The following C3orf49 variants were observed in gnomAD, a reference collection of about 807,000 sequenced individuals.
C3orf49 encodes the protein chromosome 3 open reading frame 49, also known as putative uncharacterized protein C3orf49.
A neutral mutation model predicts 13.3 loss-of-function variants in C3orf49; 27 were observed. The ratio of observed to expected loss-of-function variants is 2.02; its 90% confidence interval spans 1.49 to 2.79. C3orf49 has a LOEUF of 2.79. Ranked by LOEUF, C3orf49 falls within the 30% of genes most tolerant of loss-of-function variation. The probability of loss-of-function intolerance (pLI) is 0.00; values close to 1 mark genes in which losing one functional copy is unlikely to be tolerated. For synonymous variants in C3orf49, 87 were observed against 47.6 expected (o/e 1.83, Z -3.40); for missense variants, 242 against 134.2 (o/e 1.80, Z -3.97).
the C3orf49 span, among the ~76,000 whole-genome samples, chr3:63,809,663 C>T: frequency 6.6e-6 from 1 of 152,180 alleles, no homozygotes; most frequent in East Asian, 1.9e-4. Context: ...GCTCTCCCTC[C>T]CTCTGTTCCA....
intron 2 of C3orf49, among the ~76,000 whole-genome samples, chr3:63,824,936 C>T (rs1701447857): frequency 6.6e-6 from 1 of 152,098 alleles, no homozygotes; most frequent in South Asian, 2.1e-4. Context: ...CATATATGCC[C>T]TCCCTTCCCT....
At chr3:63,833,220 C>T (rs1428023533) in intron 5 of C3orf49, among the ~76,000 whole-genome samples, 1 of 151,974 alleles carries the variant, frequency 6.6e-6, no homozygotes, top group Non-Finnish European at 1.5e-5. Context: ...CCTCAGCCTC[C>T]TGAGTAGCTG....
At chr3:63,781,073 G>T in the C3orf49 span, among the ~76,000 whole-genome samples, 2 of 151,020 alleles carry the variant, frequency 1.3e-5, no homozygotes, top group Admixed American at 6.6e-5. Flanking sequence ...CCATGCCTAT[G>T]TCCTGAATGG....
chr3:63,837,371 A>G (rs928433421), intron 5 of C3orf49, among the ~76,000 whole-genome samples: 10 of 152,114 alleles, frequency 6.6e-5, no homozygotes, highest in Middle Eastern at 6.9e-3. Flanking sequence ...AATTTACATT[A>G]TAAGAAGAGC....
At chr3:63,840,281 G>GA (rs893353423) in intron 5 of C3orf49, among the ~76,000 whole-genome samples, 11 of 150,736 alleles carry the variant, frequency 7.3e-5, no homozygotes, top group South Asian at 4.2e-4. Flanking sequence ...GGCAAACTAG[G>GA]AAAAAAAAAT....
the C3orf49 span, chr3:63,782,456 T>C: frequency 1.3e-5 from 2 of 152,342 alleles, no homozygotes; most frequent in South Asian, 2.1e-4. Context: ...GGGGTCCTTA[T>C]TGTGTACATT....
the C3orf49 span, among the ~76,000 whole-genome samples, chr3:63,804,421 T>C: frequency 1.1e-4 from 16 of 152,194 alleles, no homozygotes; most frequent in African/African-American, 3.4e-4. Flanking sequence ...ACGTGCTTTC[T>C]CTTTGGCTCC....
chr3:63,823,364 T>C lies in C3orf49; in HGVS notation c.240T>C (p.Ser80=), dbSNP rs1701423950. The C allele has an allele frequency of 2.8e-6, 2 of 703,136 alleles. No homozygotes were observed. The highest frequency in any genetic ancestry group is 1.7e-5 in the African/African-American group (1 of 57,248). 43.6% of individuals were successfully genotyped at this position (703,136 alleles called of 1,614,324 possible). The stretch of plus-strand genomic sequence containing the variant: ...ATGAAAGCCAGCAAAATCAGAAAAG[T>C]AATTTGAAGACGAAAGTGAAGACTG... ...GFHESQQNQK[S]NLKTKVKTAF... The change falls in exon 2 of 7, where the codon AGT becomes AGC. Residue 80 remains serine (S), a synonymous_variant. Coordinates refer to ENST00000295896, the MANE Select transcript of C3orf49 (RefSeq NM_001355236.2).
intron 1 of C3orf49, 75 bp downstream of exon 1, chr3:63,819,671 T>C (rs183264522): frequency 2.2e-4 from 149 of 691,898 alleles, no homozygotes; most frequent in Middle Eastern, 9.3e-4. Context: ...CTTTTAAGCA[T>C]TGCATTTAGG....
the C3orf49 span, among the ~76,000 whole-genome samples, chr3:63,783,565 C>CACACACACAA: frequency 1.5e-5 from 2 of 134,208 alleles, no homozygotes; most frequent in African/African-American, 5.6e-5. Context: ...CACACACACA[C>CACACACACAA]AAATTAGCCA....
the C3orf49 span, among the ~76,000 whole-genome samples, chr3:63,806,888 C>G: frequency 1.3e-5 from 2 of 152,064 alleles, no homozygotes; most frequent in African/African-American, 4.8e-5. Context: ...GGTGACTCCT[C>G]GGGGAACCAT....
intron 1 of C3orf49, 33 bp downstream of exon 1, chr3:63,819,629 G>A (rs199593857): frequency 8.5e-6 from 6 of 702,622 alleles, no homozygotes; most frequent in Non-Finnish European, 2.6e-6. Context: ...TCTGTCAAAT[G>A]AGAGTCTTTG....
chr3:63,848,316 T>C (rs988231333), intron 6 of C3orf49, 48 bp from the exon 7 acceptor site: 1 of 151,958 alleles, frequency 6.6e-6, no homozygotes. Flanking sequence ...AACCTTGGCC[T>C]CCACAACCCC....
upstream of C3orf49, among the ~76,000 whole-genome samples, chr3:63,815,771 C>CTTTTTTTTT (rs1227837780): frequency 3.7e-5 from 5 of 136,574 alleles, no homozygotes; most frequent in Admixed American, 7.3e-5. Context: ...TCTTTTCTTT[C>CTTTTTTTTT]TTTTTTTTTT....
chr3:63,809,974 C>T, the C3orf49 span, among the ~76,000 whole-genome samples: 1 of 151,680 alleles, frequency 6.6e-6, no homozygotes, highest in East Asian at 1.9e-4. Context: ...ATAGTGAAAT[C>T]TCATCTCTAC....
chr3:63,839,890 T>A, intron 5 of C3orf49: 1 of 783,550 alleles, frequency 1.3e-6, no homozygotes, highest in Non-Finnish European at 2.1e-6. Context: ...TAAATGCATT[T>A]AATGCCACTG....
the C3orf49 span, among the ~76,000 whole-genome samples, chr3:63,800,461 C>T: frequency 3.3e-5 from 5 of 152,132 alleles, no homozygotes; most frequent in Middle Eastern, 3.4e-3. Context: ...GGGGTATTCC[C>T]ATTAAACCTA....
chr3:63,801,095 A>G, the C3orf49 span, among the ~76,000 whole-genome samples: 1 of 152,274 alleles, frequency 6.6e-6, no homozygotes, highest in African/African-American at 2.4e-5. Flanking sequence ...TGGGGAAGGG[A>G]AAAAAGGGAG....
At chr3:63,798,693 T>A in the C3orf49 span, among the ~76,000 whole-genome samples, 1 of 152,126 alleles carries the variant, frequency 6.6e-6, no homozygotes, top group Non-Finnish European at 1.5e-5. Flanking sequence ...ATGAATAGCA[T>A]CTGGCCTGAT....
Sources: gnomAD v4.1 joint callset for allele counts (sites outside exome capture counted in the v4.1 genomes callset) on GRCh38, gnomAD v4.1.1 for gene constraint, MANE v1.5 for transcripts, NCBI Gene and HGNC (gene_info 2026-07-23, HGNC 2026-07-21) for gene names.